Variants in PAIP2B observed in about 807,000 individuals in gnomAD.
PAIP2B encodes the protein polyadenylate-binding protein-interacting protein 2B.
In PAIP2B, 13 loss-of-function variants were observed where a neutral mutation model predicts 17.0. That is an observed-to-expected ratio of 0.76 (90% CI 0.50 to 1.22). The LOEUF (loss-of-function observed/expected upper bound fraction) is 1.22, where lower values mean the gene tolerates loss of function less well. Among genes scored for constraint, PAIP2B ranks in the 50% most tolerant of loss-of-function variants. PAIP2B has a pLI of 0.00. For missense variants in PAIP2B, 117 were observed against 144.5 expected, an observed-to-expected ratio of 0.81 and a Z score of 0.98; for synonymous variants, 43 against 48.7, an observed-to-expected ratio of 0.88 and a Z score of 0.48.
intron 1 of PAIP2B, among the ~76,000 whole-genome samples, chr2:71,225,743 G>A (rs1003307112): frequency 5.9e-5 from 9 of 152,096 alleles, no homozygotes; most frequent in African/African-American, 2.2e-4. Flanking sequence ...TTTTACTTAG[G>A]CACAGCATAG....
At position 71,188,350 on chromosome 2, in the gene PAIP2B, G is replaced by A. The variant is rs1014137283; in HGVS notation, c.*129C>T. On this transcript the variant is annotated 3_prime_UTR_variant, in exon 4 of 4. Transcript: ENST00000244221. The stretch of plus-strand genomic sequence containing the variant: ...ATTAGTTACTCAGAGTCACAGTATT[G>A]TGAGACCACCACTCCCCTTCCCGCT... 25 of 707,096 alleles carry A rather than the reference G, an allele frequency of 3.5e-5. No individual in the cohort carries two copies. Among genetic ancestry groups the A allele is most frequent in the Non-Finnish European group, 4.2e-5 (17 of 406,518 alleles). The allele number at this position is 707,096 out of a possible 1,614,324, so 43.8% of individuals were successfully genotyped here.
chr2:71,192,747 G>A (rs1438430495), intron 2 of PAIP2B, among the ~76,000 whole-genome samples: 1 of 152,146 alleles, frequency 6.6e-6, no homozygotes, highest in Non-Finnish European at 1.5e-5. Flanking sequence ...CTCCATCCAT[G>A]TTCCTGCAAA....
chr2:71,214,587 CAT>C (rs1002039140), intron 1 of PAIP2B, among the ~76,000 whole-genome samples: 2 of 152,180 alleles, frequency 1.3e-5, no homozygotes, highest in African/African-American at 4.8e-5. Context: ...AAGAATTTTT[CAT>C]ATGTTTTATG....
At chr2:71,210,484 T>C (rs1023812468) in intron 1 of PAIP2B, among the ~76,000 whole-genome samples, 2 of 152,228 alleles carry the variant, frequency 1.3e-5, no homozygotes, top group African/African-American at 4.8e-5. Context: ...AAATGTTCCA[T>C]TGGCTATCTT....
chr2:71,224,239 C>G (rs1675665796), intron 1 of PAIP2B, among the ~76,000 whole-genome samples: 1 of 152,226 alleles, frequency 6.6e-6, no homozygotes, highest in South Asian at 2.1e-4. Context: ...AATCGCTTAA[C>G]ACTTCTGTAC....
rs367554394 is a variant in PAIP2B, at chr2:71,190,611, G to A, written c.139-590C>T. On this transcript the variant is annotated intron_variant, in intron 2 of 3. Coordinates refer to ENST00000244221, the MANE Select transcript of PAIP2B (RefSeq NM_020459.1). ...ACAGTAACAGAAATTCAAGGTCTCCGCAGATGTTCTACGATCTCTAATAGG... is the reference window on the plus strand; with the variant it reads ...ACAGTAACAGAAATTCAAGGTCTCCACAGATGTTCTACGATCTCTAATAGG... Among the ~76,000 whole-genome samples, 34 of 152,222 alleles carry A rather than the reference G, an allele frequency of 2.2e-4. No homozygotes were observed. In the East Asian group the frequency reaches 5.2e-3, roughly 23 times the overall value.
intron 1 of PAIP2B, among the ~76,000 whole-genome samples, chr2:71,212,096 C>T (rs557575499): frequency 1.3e-5 from 2 of 152,338 alleles, no homozygotes; most frequent in South Asian, 4.2e-4. Context: ...TAATCAAAAA[C>T]ATTCCTATGG....
intron 1 of PAIP2B, among the ~76,000 whole-genome samples, chr2:71,216,764 ATG>A (rs902151355): frequency 1.3e-5 from 2 of 152,156 alleles, no homozygotes; most frequent in African/African-American, 4.8e-5. Flanking sequence ...ACTTAGAAAA[ATG>A]TGTTTCTTTC....
chr2:71,218,302 A>G (rs1421669024), intron 1 of PAIP2B, among the ~76,000 whole-genome samples: 1 of 152,058 alleles, frequency 6.6e-6, no homozygotes, highest in African/African-American at 2.4e-5. Context: ...CAGAAAAAGA[A>G]AAATGATAAA....
At chr2:71,219,103 T>C (rs1327250791) in intron 1 of PAIP2B, among the ~76,000 whole-genome samples, 1 of 141,744 alleles carries the variant, frequency 7.1e-6, no homozygotes, top group African/African-American at 2.6e-5. Context: ...TTTTTTTTTT[T>C]GTATTTTTAG....
chr2:71,201,562 G>A (rs1282338451), intron 2 of PAIP2B, among the ~76,000 whole-genome samples: 1 of 152,040 alleles, frequency 6.6e-6, no homozygotes, highest in African/African-American at 2.4e-5. Context: ...TGTATTTTTA[G>A]TAGAGATGAG....
rs1231765903 is a variant in PAIP2B, at chr2:71,202,614, A to C, written c.-11-14T>G. 1 of 1,593,090 alleles carries C rather than the reference A, an allele frequency of 6.3e-7. No homozygotes were observed. Among genetic ancestry groups the C allele is most frequent in the Admixed American group, 1.7e-5 (1 of 58,518 alleles). ...TTATGATGGAACCTAAAGAGAAGCA[A>C]AAGAAAAGATAAAATGAATATAAGG... On this transcript the variant is annotated splice_polypyrimidine_tract_variant and intron_variant, in intron 1 of 3. Transcript: ENST00000244221.
chr2:71,223,910 A>G (rs1675654347), intron 1 of PAIP2B, among the ~76,000 whole-genome samples: 1 of 152,248 alleles, frequency 6.6e-6, no homozygotes, highest in South Asian at 2.1e-4. Flanking sequence ...GCAGTCACTT[A>G]CAAATACAGT....
At chr2:71,192,715 T>A (rs1674718754) in intron 2 of PAIP2B, among the ~76,000 whole-genome samples, 1 of 152,210 alleles carries the variant, frequency 6.6e-6, no homozygotes, top group South Asian at 2.1e-4. Context: ...TGTGTTAGTT[T>A]GCTAAGGATG....
At chr2:71,193,644 T>C (rs1218385546) in intron 2 of PAIP2B, among the ~76,000 whole-genome samples, 2 of 152,054 alleles carry the variant, frequency 1.3e-5, no homozygotes, top group Non-Finnish European at 2.9e-5. Context: ...ATGAGGTTAG[T>C]AGACTGAGAC....
At position 71,202,376 on chromosome 2, in the gene PAIP2B, T is replaced by C. The variant is rs945474445; in HGVS notation, c.138+76A>G. 1.9e-5 allele frequency: 29 copies of C among 1,537,878 alleles called. No individual in the cohort carries two copies. The South Asian group carries it at 3.1e-4, about 17-fold the overall frequency. The stretch of plus-strand genomic sequence containing the variant: ...CTAACTGTATCCATTTCTTTTGTAA[T>C]AAACTGGCAGTAAAATATTATAGCT... On this transcript the variant is annotated intron_variant, in intron 2 of 3. Coordinates refer to ENST00000244221, the MANE Select transcript of PAIP2B (RefSeq NM_020459.1).
At chr2:71,197,761 C>T (rs1016966552) in intron 2 of PAIP2B, among the ~76,000 whole-genome samples, 13 of 152,258 alleles carry the variant, frequency 8.5e-5, no homozygotes, top group Middle Eastern at 3.4e-3. Flanking sequence ...ACATGGATGG[C>T]GGCAAGCAAA....
chr2:71,202,522 C>T lies in PAIP2B; in HGVS notation c.68G>A (p.Gly23Glu), dbSNP rs749396907. Residue 23 changes from glycine to glutamate, a missense_variant, in exon 2 of 4, where the codon GGG (glycine) becomes GAG (glutamate). Coordinates refer to ENST00000244221, the MANE Select transcript of PAIP2B (RefSeq NM_020459.1). ...VKSKEDQGLS[G>E]HDEKENPFAE... The stretch of plus-strand genomic sequence containing the variant: ...AAATGGGTTTTCCTTTTCATCGTGC[C>T]CACTTAACCCCTGGTCCTCTTTGGA... 38 of 1,613,658 alleles carry T rather than the reference C, an allele frequency of 2.4e-5. No homozygotes were observed. The East Asian group carries it at 8.5e-4, about 36-fold the overall frequency.
chr2:71,225,767 C>CA lies in PAIP2B; in HGVS notation c.-12+1160dup, dbSNP rs770871017. ...GGCACAGCATAGTTTGTACTGTTAT[C>CA]AAAAAACATATGGCTAGAACCGACA... On this transcript the variant is annotated intron_variant, in intron 1 of 3. Transcript: ENST00000244221. Among the ~76,000 whole-genome samples the CA allele has an allele frequency of 2.6e-5, 4 of 152,226 alleles. No individual in the cohort carries two copies. In the East Asian group the frequency reaches 5.8e-4, roughly 22 times the overall value.
Sources: allele counts gnomAD v4.1 joint callset (sites outside exome capture counted in the v4.1 genomes callset), GRCh38; gene constraint gnomAD v4.1.1; transcripts MANE v1.5; gene names NCBI Gene and HGNC (gene_info 2026-07-23, HGNC 2026-07-21).